KCNU1: variants seen among roughly 807,000 people sequenced by gnomAD.
KCNU1 encodes the protein potassium calcium-activated channel subfamily U member 1, also known as potassium channel subfamily U member 1.
KCNU1 carries 93 observed loss-of-function variants against 126.8 expected under a neutral mutation model. The ratio of observed to expected loss-of-function variants is 0.73; its 90% confidence interval spans 0.62 to 0.87. The LOEUF (loss-of-function observed/expected upper bound fraction) is 0.87. Ranked by LOEUF, KCNU1 falls within the 40% of genes least tolerant of loss-of-function variation. The probability of loss-of-function intolerance (pLI) is 0.00; values close to 1 mark genes in which losing one functional copy is unlikely to be tolerated. For synonymous variants in KCNU1, 523 were observed against 494.2 expected (o/e 1.06, Z -0.77); for missense variants, 1,330 against 1,367.1 (o/e 0.97, Z 0.43).
intron 22 of KCNU1, among the ~76,000 whole-genome samples, chr8:36,911,424 A>G (rs1807871720): frequency 6.6e-6 from 1 of 152,180 alleles, no homozygotes; most frequent in Non-Finnish European, 1.5e-5. Flanking sequence ...TGATCAGTGA[A>G]CATAGCATGT....
intron 2 of KCNU1, among the ~76,000 whole-genome samples, chr8:36,796,206 G>A (rs958210151): frequency 6.6e-5 from 10 of 152,060 alleles, no homozygotes; most frequent in Admixed American, 2.0e-4. Flanking sequence ...TTTTCGATTG[G>A]GGATAGAGTG....
intron 19 of KCNU1, among the ~76,000 whole-genome samples, chr8:36,893,015 G>GCT: frequency 6.6e-6 from 1 of 152,144 alleles, no homozygotes; most frequent in Non-Finnish European, 1.5e-5. Flanking sequence ...AGGACAGCAT[G>GCT]CAGTGGCATG....
At chr8:36,930,602 G>T (rs754695073) in intron 24 of KCNU1, among the ~76,000 whole-genome samples, 1 of 152,026 alleles carries the variant, frequency 6.6e-6, no homozygotes, top group South Asian at 2.1e-4. Flanking sequence ...AATATACATC[G>T]ATGATGATTA....
intron 7 of KCNU1, among the ~76,000 whole-genome samples, chr8:36,809,725 G>A (rs557618030): frequency 3.3e-5 from 5 of 152,124 alleles, no homozygotes; most frequent in Non-Finnish European, 5.9e-5. Flanking sequence ...GCAGACATTA[G>A]TGTCCCTGTA....
intron 19 of KCNU1, among the ~76,000 whole-genome samples, chr8:36,889,931 A>G (rs1458094999): frequency 1.3e-5 from 2 of 152,126 alleles, no homozygotes; most frequent in African/African-American, 2.4e-5. Flanking sequence ...TCTTTTTGTC[A>G]GAAACCATAA....
At chr8:36,797,200 A>C (rs905073285) in intron 2 of KCNU1, among the ~76,000 whole-genome samples, 4 of 152,240 alleles carry the variant, frequency 2.6e-5, no homozygotes, top group African/African-American at 7.2e-5. Context: ...AAAGGAGGCT[A>C]TAATAACACC....
intron 19 of KCNU1, among the ~76,000 whole-genome samples, chr8:36,871,346 A>G (rs1416423338): frequency 2.0e-5 from 3 of 151,836 alleles, no homozygotes; most frequent in African/African-American, 7.3e-5. Context: ...ATAGGTGAAA[A>G]TCCCATTTTT....
chr8:36,835,596 C>A (rs571057009), intron 12 of KCNU1, among the ~76,000 whole-genome samples: 1 of 152,184 alleles, frequency 6.6e-6, no homozygotes, highest in African/African-American at 2.4e-5. Flanking sequence ...CCACCTTAGC[C>A]TCCCAAAGTG....
At chr8:36,879,069 TG>T (rs1806372315) in intron 19 of KCNU1, among the ~76,000 whole-genome samples, 1 of 147,932 alleles carries the variant, frequency 6.8e-6, no homozygotes, top group Admixed American at 6.8e-5. Flanking sequence ...CTACATTGAG[TG>T]GGCACCGTAA....
chr8:36,912,186 T>C (rs182238048), intron 22 of KCNU1, among the ~76,000 whole-genome samples: 200 of 152,324 alleles, frequency 1.3e-3, no homozygotes, highest in African/African-American at 3.6e-3. Flanking sequence ...ATTTAAGGCA[T>C]TGCAAGGCTT....
chr8:36,833,530 G>T (rs780215086), intron 10 of KCNU1, 24 bp from the exon 11 acceptor site: 6 of 1,410,488 alleles, frequency 4.3e-6, no homozygotes, highest in Non-Finnish European at 6.0e-6. Flanking sequence ...TTCCCTCATT[G>T]CTGCCACGTT....
At chr8:36,840,613 ACAG>A in intron 15 of KCNU1, 38 bp downstream of exon 15, 1 of 1,174,136 alleles carries the variant, frequency 8.5e-7, no homozygotes, top group Non-Finnish European at 1.3e-6. Flanking sequence ...TCTTCAGACA[ACAG>A]CATTCTTTCA....
In KCNU1 at chr8:36,822,553, A is replaced by G. The variant is rs552566312; in HGVS notation, c.1106+4793A>G. On this transcript the variant is annotated intron_variant, in intron 10 of 26. Transcript: ENST00000399881. ...AATACATAAATGATACAGTATTACC[A>G]TTTTCTTTCTTTGGTTACTTGTTTA... Among the ~76,000 whole-genome samples the G allele has an allele frequency of 9.9e-5, 15 of 152,262 alleles. No individual in the cohort carries two copies. The South Asian group carries it at 2.9e-3, about 29-fold the overall frequency.
At chr8:36,928,825 T>C in intron 24 of KCNU1, 1 of 563,758 alleles carries the variant, frequency 1.8e-6, no homozygotes, top group Non-Finnish European at 3.1e-6. Context: ...CTCAGTCTGA[T>C]CTGAGGACAA....
chr8:36,789,415 C>T (rs531088498), intron 2 of KCNU1, among the ~76,000 whole-genome samples: 5 of 151,960 alleles, frequency 3.3e-5, no homozygotes, highest in African/African-American at 1.2e-4. Context: ...CTTAGAGATC[C>T]CAAGTACAGT....
At position 36,803,292 on chromosome 8, in the gene KCNU1, C is replaced by T. The variant is rs530519622; in HGVS notation, c.316-735C>T. On this transcript the variant is annotated intron_variant, in intron 2 of 26. Transcript: ENST00000399881. The stretch of plus-strand genomic sequence containing the variant: ...ATCCAGAGTTTCATTATTAGAATTA[C>T]ACTGGACTGAACATGTTCAAAAGCT... Among the ~76,000 whole-genome samples the T allele has an allele frequency of 5.3e-5, 8 of 152,310 alleles. No homozygotes were observed. The South Asian group carries it at 1.5e-3, about 28-fold the overall frequency.
rs566255131 is a variant in KCNU1 at position 36,786,433 on chromosome 8, A to C, written c.196-873A>C. Among the ~76,000 whole-genome samples, 7 of 152,338 alleles carry C rather than the reference A, an allele frequency of 4.6e-5. 1 individual carries two copies. The East Asian group carries it at 9.7e-4, about 21-fold the overall frequency. ...ATCAGGATGTGAACTTTTATCAAAG[A>C]GTTTTTTAATGAGACTTCCCTTTTT... On this transcript the variant is annotated intron_variant, in intron 1 of 26. Coordinates refer to ENST00000399881, the MANE Select transcript of KCNU1 (RefSeq NM_001031836.3).
intron 10 of KCNU1, among the ~76,000 whole-genome samples, chr8:36,818,772 A>G (rs1054211496): frequency 1.3e-5 from 2 of 152,170 alleles, no homozygotes; most frequent in African/African-American, 4.8e-5. Context: ...GCATTATGAC[A>G]TGTTCAATTC....
chr8:36,858,134 T>G (rs1805595777), intron 18 of KCNU1, among the ~76,000 whole-genome samples: 2 of 150,994 alleles, frequency 1.3e-5, no homozygotes, highest in Admixed American at 6.6e-5. Context: ...TCTGTGAATC[T>G]TTGTACTTCC....
Sources: allele counts gnomAD v4.1 joint callset (sites outside exome capture counted in the v4.1 genomes callset), GRCh38; gene constraint gnomAD v4.1.1; transcripts MANE v1.5; gene names NCBI Gene and HGNC (gene_info 2026-07-23, HGNC 2026-07-21).